The following EPHA4 variants were observed in gnomAD, a reference collection of about 807,000 sequenced individuals.
The protein encoded by EPHA4 is ephrin type-A receptor 4.
A neutral mutation model predicts 108.3 loss-of-function variants in EPHA4; 19 were observed. The observed-to-expected ratio is 0.18, with a 90% confidence interval of 0.12 to 0.26. EPHA4 has a LOEUF of 0.26. EPHA4 is among the 10% of genes least tolerant of loss of function. The pLI is 1.00. For synonymous variants in EPHA4, 449 were observed against 455.5 expected, an observed-to-expected ratio of 0.99 and a Z score of 0.18; for missense variants, 917 against 1,254.0, an observed-to-expected ratio of 0.73 and a Z score of 4.06.
At chr2:221,495,014 A>C (rs1197135892) in intron 4 of EPHA4, among the ~76,000 whole-genome samples, 2 of 152,042 alleles carry the variant, frequency 1.3e-5, no homozygotes, top group East Asian at 1.9e-4. Flanking sequence ...AAAAAAAAAA[A>C]AAAAAAAAAA....
chr2:221,483,283 C>A (rs985029243), intron 4 of EPHA4, among the ~76,000 whole-genome samples: 2 of 152,024 alleles, frequency 1.3e-5, no homozygotes, highest in Non-Finnish European at 2.9e-5. Context: ...GGCGAGATGG[C>A]AGGGGTTTTG....
At chr2:221,450,035 G>A (rs558069268) in intron 8 of EPHA4, among the ~76,000 whole-genome samples, 3 of 152,186 alleles carry the variant, frequency 2.0e-5, no homozygotes, top group African/African-American at 4.8e-5. Flanking sequence ...ATGGTTGCAC[G>A]CAAGTTGTTT....
chr2:221,496,136 C>T (rs963674839), intron 4 of EPHA4, among the ~76,000 whole-genome samples: 10 of 152,088 alleles, frequency 6.6e-5, no homozygotes, highest in African/African-American at 2.2e-4. Flanking sequence ...GGGCAGCGTG[C>T]GAGTGGGGAG....
intron 4 of EPHA4, among the ~76,000 whole-genome samples, chr2:221,484,601 T>C (rs1463937508): frequency 2.0e-5 from 3 of 152,228 alleles, no homozygotes; most frequent in Admixed American, 2.0e-4. Context: ...GTTTTTAGCA[T>C]GGTAACTGGA....
intron 3 of EPHA4, among the ~76,000 whole-genome samples, chr2:221,541,862 T>C (rs2106191393): frequency 6.6e-6 from 1 of 152,334 alleles, no homozygotes; most frequent in Non-Finnish European, 1.5e-5. Flanking sequence ...CCAAATGTGA[T>C]TTCAGGTTTA....
intron 3 of EPHA4, among the ~76,000 whole-genome samples, chr2:221,506,405 G>A (rs1375136994): frequency 6.6e-6 from 1 of 152,154 alleles, no homozygotes; most frequent in Non-Finnish European, 1.5e-5. Context: ...GCCATCTTTG[G>A]GGAAGGTGTG....
rs907728616 is a variant in EPHA4, at chr2:221,486,075, C to A, written c.980-3385G>T. Among the ~76,000 whole-genome samples, 9 of 152,272 alleles carry A rather than the reference C, an allele frequency of 5.9e-5. No homozygotes were observed. In the South Asian group the frequency reaches 1.5e-3, roughly 25 times the overall value. On this transcript the variant is annotated intron_variant, in intron 4 of 17. Transcript: ENST00000281821. ...TTTCTGACAGAGTGATTGCCTTTGT[C>A]ATCAGAAATATGTCCACCTGCGAGT...
At position 221,568,718 on chromosome 2, in the gene EPHA4, C is replaced by A. The variant is rs1694741987; in HGVS notation, c.159G>T (p.Gly53=). ...GATCAGAGAGCAACTCAGGACTTAC[C>A]CCTCCTTCCAGAGGGCTTGCTATCC... The part of the protein sequence containing the change: ...LGWIASPLEG[G]WEEVSIMDEK... Residue 53 remains glycine, a splice_region_variant and synonymous_variant, in exon 2 of 18, where the codon GGG becomes GGT. Transcript: ENST00000281821. 1 of 1,612,728 alleles carries A rather than the reference C, an allele frequency of 6.2e-7. No individual in the cohort carries two copies. The highest frequency in any genetic ancestry group is 8.5e-7 in the Non-Finnish European group (1 of 1,179,426).
chr2:221,574,088 C>T (rs1257110300), upstream of EPHA4: 1 of 152,170 alleles, frequency 6.6e-6, no homozygotes, highest in East Asian at 1.9e-4. Flanking sequence ...CACTGGGCTC[C>T]GCAGCAGATC....
intron 11 of EPHA4, among the ~76,000 whole-genome samples, chr2:221,439,983 T>G (rs1690367116): frequency 6.6e-6 from 1 of 152,236 alleles, no homozygotes; most frequent in Admixed American, 6.5e-5. Context: ...ACAAATTTTC[T>G]GCATTCCATT....
intron 9 of EPHA4, among the ~76,000 whole-genome samples, chr2:221,444,361 T>A (rs1690521234): frequency 6.6e-6 from 1 of 152,112 alleles, no homozygotes; most frequent in Non-Finnish European, 1.5e-5. Flanking sequence ...GAGGCAGAAG[T>A]CATTGTAAAA....
intron 7 of EPHA4, 59 bp from the exon 8 acceptor site, chr2:221,455,717 T>C: frequency 8.1e-7 from 1 of 1,241,382 alleles, no homozygotes; most frequent in Non-Finnish European, 1.2e-6. Context: ...GTAGAACTTC[T>C]GAATGGGTCA....
chr2:221,520,506 C>CCACACACA (rs61047207), intron 3 of EPHA4, among the ~76,000 whole-genome samples: 1 of 142,044 alleles, frequency 7.0e-6, no homozygotes, highest in Non-Finnish European at 1.5e-5. Flanking sequence ...TTTCCTCTAA[C>CCACACACA]CACACACACA....
intron 11 of EPHA4, among the ~76,000 whole-genome samples, chr2:221,438,778 C>T (rs1559240369): frequency 6.7e-6 from 1 of 149,266 alleles, no homozygotes; most frequent in Non-Finnish European, 1.5e-5. Context: ...GAGTGAGAGT[C>T]ATTCTAAAAA....
At chr2:221,454,171 A>G (rs1438670509) in intron 8 of EPHA4, among the ~76,000 whole-genome samples, 1 of 151,882 alleles carries the variant, frequency 6.6e-6, no homozygotes, top group Non-Finnish European at 1.5e-5. Context: ...ACAGAGCAAG[A>G]CTCCGTCTCA....
chr2:221,529,754 A>G (rs1431307936), intron 3 of EPHA4, among the ~76,000 whole-genome samples: 1 of 152,234 alleles, frequency 6.6e-6, no homozygotes, highest in African/African-American at 2.4e-5. Context: ...AGTATGAAGC[A>G]CCAGTCTCCA....
intron 8 of EPHA4, among the ~76,000 whole-genome samples, chr2:221,450,209 G>A (rs891452192): frequency 3.3e-5 from 5 of 152,264 alleles, no homozygotes; most frequent in Middle Eastern, 3.4e-3. Context: ...AGGGGTTCGC[G>A]ACCAGCCTGG....
intron 3 of EPHA4, among the ~76,000 whole-genome samples, chr2:221,540,113 T>C (rs1693790117): frequency 6.6e-6 from 1 of 152,162 alleles, no homozygotes; most frequent in Non-Finnish European, 1.5e-5. Flanking sequence ...AGAGATGGAA[T>C]TTCACCATGT....
In EPHA4 at chr2:221,463,528, G is replaced by C. The variant is rs577949881; in HGVS notation, c.1319-5538C>G. On this transcript the variant is annotated intron_variant, in intron 5 of 17. Transcript: ENST00000281821. ...ATAAACAGAAACAGCACAGATTAGG[G>C]GGCTCTATCATGACTCTCTAACAGT... Among the ~76,000 whole-genome samples the C allele has an allele frequency of 2.0e-5, 3 of 152,248 alleles. No homozygotes were observed. The East Asian group carries it at 5.8e-4, about 29-fold the overall frequency.
Sources: allele counts gnomAD v4.1 joint callset (sites outside exome capture counted in the v4.1 genomes callset), GRCh38; gene constraint gnomAD v4.1.1; transcripts MANE v1.5; gene names NCBI Gene and HGNC (gene_info 2026-07-23, HGNC 2026-07-21).